Variants in ADGRL2 observed in about 807,000 individuals in gnomAD.
The protein encoded by ADGRL2 is adhesion G protein-coupled receptor L2.
ADGRL2 carries 44 observed loss-of-function variants against 157.4 expected under a neutral mutation model. The ratio of observed to expected loss-of-function variants is 0.28; its 90% CI spans 0.22 to 0.36. The LOEUF (loss-of-function observed/expected upper bound fraction) is 0.36, where lower values mean the gene tolerates loss of function less well. Ranked by LOEUF, ADGRL2 falls within the 10% of genes least tolerant of loss-of-function variation. The pLI is 1.00. For synonymous variants in ADGRL2, 585 were observed against 624.7 expected, an observed-to-expected ratio of 0.94 and a Z score of 0.95; for missense variants, 1,510 against 1,768.9, an observed-to-expected ratio of 0.85 and a Z score of 2.63.
chr1:81,544,785 C>A (rs2079972587), intron 2 of ADGRL2, among the ~76,000 whole-genome samples: 1 of 152,184 alleles, frequency 6.6e-6, no homozygotes, highest in Non-Finnish European at 1.5e-5. Context: ...TGAGCCACTA[C>A]ATTTTTTTAA....
intron 2 of ADGRL2, among the ~76,000 whole-genome samples, chr1:81,792,684 T>G (rs1217635995): frequency 6.6e-6 from 1 of 152,108 alleles, no homozygotes; most frequent in African/African-American, 2.4e-5. Flanking sequence ...TCTATATACA[T>G]AAACATATAC....
intron 1 of ADGRL2, among the ~76,000 whole-genome samples, chr1:81,399,024 A>T (rs2076705600): frequency 6.6e-6 from 1 of 152,342 alleles, no homozygotes; most frequent in East Asian, 1.9e-4. Flanking sequence ...TAATTGACTC[A>T]CAGTTCCTGA....
At chr1:81,890,297 T>G (rs1211326466) in intron 2 of ADGRL2, among the ~76,000 whole-genome samples, 6 of 152,204 alleles carry the variant, frequency 3.9e-5, no homozygotes, top group Admixed American at 3.9e-4. Context: ...AAGACTCAAT[T>G]CCATAGTGTA....
At chr1:81,478,003 T>C (rs3924702) in intron 2 of ADGRL2, among the ~76,000 whole-genome samples, 22,441 of 152,052 alleles carry the variant, frequency 0.15, 1,714 homozygotes, top group Admixed American at 0.18. Flanking sequence ...GAAGAGAGCA[T>C]TTTTTGTATA....
At chr1:81,428,552 T>C (rs1003608477) in intron 1 of ADGRL2, among the ~76,000 whole-genome samples, 5 of 152,070 alleles carry the variant, frequency 3.3e-5, no homozygotes, top group Non-Finnish European at 7.4e-5. Context: ...GGTCAGATGG[T>C]TGAAGCTTAA....
chr1:81,781,612 A>G (rs2086815497), intron 2 of ADGRL2, among the ~76,000 whole-genome samples: 1 of 152,200 alleles, frequency 6.6e-6, no homozygotes, highest in Non-Finnish European at 1.5e-5. Flanking sequence ...CAGGTTGGTT[A>G]CAGATGGGAG....
At chr1:81,332,524 G>A (rs1661344478) in intron 1 of ADGRL2, among the ~76,000 whole-genome samples, 1 of 152,116 alleles carries the variant, frequency 6.6e-6, no homozygotes, top group East Asian at 1.9e-4. Flanking sequence ...AAGAGCTTTG[G>A]AAACATTAAA....
At chr1:81,475,728 G>A (rs185070495) in intron 2 of ADGRL2, among the ~76,000 whole-genome samples, 29 of 152,244 alleles carry the variant, frequency 1.9e-4, no homozygotes, top group African/African-American at 7.0e-4. Context: ...AAGTGATAAA[G>A]ACTGGGACAA....
intron 11 of ADGRL2, among the ~76,000 whole-genome samples, chr1:81,957,658 G>A (rs886458160): frequency 5.9e-5 from 9 of 152,004 alleles, no homozygotes; most frequent in African/African-American, 2.2e-4. Flanking sequence ...GCAGTGAGCT[G>A]AGATCATGCC....
intron 3 of ADGRL2, among the ~76,000 whole-genome samples, chr1:81,618,983 G>C (rs2081727837): frequency 6.6e-6 from 1 of 151,594 alleles, no homozygotes; most frequent in Admixed American, 6.6e-5. Context: ...TTTCTTTTCT[G>C]TTAACTCTAA....
chr1:81,322,585 G>A (rs1660601931), intron 1 of ADGRL2, among the ~76,000 whole-genome samples: 1 of 152,100 alleles, frequency 6.6e-6, no homozygotes, highest in Non-Finnish European at 1.5e-5. Flanking sequence ...TAGATTAATA[G>A]ACATTGTAAA....
intron 2 of ADGRL2, among the ~76,000 whole-genome samples, chr1:81,880,752 T>C (rs1445513931): frequency 1.3e-5 from 2 of 151,802 alleles, no homozygotes; most frequent in Non-Finnish European, 2.9e-5. Context: ...ACTGTGCATG[T>C]GTTAAGGGAC....
Position 81,600,049 on chromosome 1 carries a change from C to T in ADGRL2, c.-143+19069C>T, listed in dbSNP as rs116819797. ...TATTAAAACAACTTGTATTTACATG[C>T]CTTTTTAGTTTACACTTGAGCGTTT... is the stretch of plus-strand genomic sequence containing the variant. On this transcript the variant is annotated intron_variant, in intron 3 of 24. Transcript: ENST00000370721. Among the ~76,000 whole-genome samples the T allele has an allele frequency of 6.7e-3, 1,023 of 152,254 alleles. 7 individuals are homozygous for T. Among genetic ancestry groups the T allele is most frequent in the African/African-American group, 0.023 (974 of 41,532 alleles).
intron 1 of ADGRL2, among the ~76,000 whole-genome samples, chr1:81,415,067 A>G (rs2077010596): frequency 2.0e-5 from 3 of 152,240 alleles, no homozygotes; most frequent in South Asian, 2.1e-4. Context: ...GAACCTGAAC[A>G]TTAAAAGCTT....
chr1:81,754,765 C>T, intron 1 of ADGRL2, among the ~76,000 whole-genome samples: 1 of 149,900 alleles, frequency 6.7e-6, no homozygotes, highest in East Asian at 2.0e-4. Flanking sequence ...GTTCAACATG[C>T]AACTTTCTTG....
intron 18 of ADGRL2, among the ~76,000 whole-genome samples, chr1:81,980,475 CT>C (rs1487396936): frequency 6.6e-6 from 1 of 151,672 alleles, no homozygotes; most frequent in Admixed American, 6.6e-5. Context: ...AAAATGCTAT[CT>C]AATTAACAAC....
chr1:81,533,852 C>T (rs989243388), intron 2 of ADGRL2, among the ~76,000 whole-genome samples: 1 of 152,154 alleles, frequency 6.6e-6, no homozygotes, highest in Non-Finnish European at 1.5e-5. Flanking sequence ...GTTTTAGGTA[C>T]TTGAGAATCT....
intron 1 of ADGRL2, among the ~76,000 whole-genome samples, chr1:81,321,170 C>A (rs1006930568): frequency 6.6e-6 from 1 of 152,132 alleles, no homozygotes; most frequent in Non-Finnish European, 1.5e-5. Flanking sequence ...AACTTTTCTT[C>A]TGAAGCTTTA....
rs1028798360 is a variant in ADGRL2, at chr1:81,815,794, C to G, written c.-101+14726C>G. ...TACTAATAAGAAGTACCTAAGTCCT[C>G]TGACATTTCAGCTTGGAAACCTGTC... On this transcript the variant is annotated intron_variant, in intron 1 of 23. Transcript: ENST00000686636. 1.9e-4 allele frequency among the ~76,000 whole-genome samples: 29 copies of G among 151,730 alleles called. 1 individual carries two copies. Among genetic ancestry groups the G allele is most frequent in the Admixed American group, 3.9e-4 (6 of 15,224 alleles).
Sources: allele counts gnomAD v4.1 joint callset (sites outside exome capture counted in the v4.1 genomes callset), GRCh38; gene constraint gnomAD v4.1.1; transcripts MANE v1.5; gene names NCBI Gene and HGNC (gene_info 2026-07-23, HGNC 2026-07-21).